Variants in RAB3GAP1 observed in about 807,000 individuals in gnomAD.
RAB3GAP1 encodes the protein rab3 GTPase-activating protein catalytic subunit.
A neutral mutation model predicts 130.7 loss-of-function variants in RAB3GAP1; 86 were observed. The observed-to-expected ratio is 0.66, with a 90% CI of 0.55 to 0.79. The LOEUF is 0.79. RAB3GAP1 is among the 30% of genes least tolerant of loss of function. RAB3GAP1 has a pLI of 0.00. For missense variants in RAB3GAP1, 1,029 were observed against 1,169.4 expected, an observed-to-expected ratio of 0.88 and a Z score of 1.75; for synonymous variants, 367 against 401.7, an observed-to-expected ratio of 0.91 and a Z score of 1.03.
intron 8 of RAB3GAP1, among the ~76,000 whole-genome samples, chr2:135,121,857 C>T (rs1691210255): frequency 1.3e-5 from 2 of 152,082 alleles, no homozygotes; most frequent in Admixed American, 1.3e-4. Context: ...CTTTGGGAGG[C>T]CAAGGCAGGC....
intron 17 of RAB3GAP1, among the ~76,000 whole-genome samples, chr2:135,149,372 A>T (rs907881602): frequency 2.6e-5 from 4 of 152,222 alleles, no homozygotes; most frequent in African/African-American, 9.6e-5. Flanking sequence ...AATTGCTAGT[A>T]TCTATCGAGC....
chr2:135,175,875 A>C (rs1241820589), intron 24 of RAB3GAP1, among the ~76,000 whole-genome samples: 1 of 152,262 alleles, frequency 6.6e-6, no homozygotes, highest in Non-Finnish European at 1.5e-5. Flanking sequence ...CAAGGTTTCC[A>C]GAGAGAAAAT....
At chr2:135,056,420 G>GGTCTTGAACTCCTGAC (rs1373897088) in intron 2 of RAB3GAP1, among the ~76,000 whole-genome samples, 1 of 151,962 alleles carries the variant, frequency 6.6e-6, no homozygotes, top group Non-Finnish European at 1.5e-5. Context: ...TGGACAAACT[G>GGTCTTGAACTCCTGAC]GTCTTGAACT....
At chr2:135,163,205 A>T in intron 22 of RAB3GAP1, 104 bp downstream of exon 22, 1 of 806,718 alleles carries the variant, frequency 1.2e-6, no homozygotes, top group Non-Finnish European at 2.2e-6. Context: ...TGGTAATCAT[A>T]TATTATTTGA....
chr2:135,166,323 C>T (rs1485224074), intron 23 of RAB3GAP1, among the ~76,000 whole-genome samples: 1 of 152,008 alleles, frequency 6.6e-6, no homozygotes, highest in African/African-American at 2.4e-5. Context: ...GCAAGTAAAA[C>T]TTTGACAATA....
At chr2:135,125,566 G>C (rs925905826) in intron 9 of RAB3GAP1, among the ~76,000 whole-genome samples, 3 of 152,146 alleles carry the variant, frequency 2.0e-5, no homozygotes, top group African/African-American at 7.2e-5. Context: ...TTATGTGAAT[G>C]TGATCTGTCT....
At chr2:135,122,180 A>C (rs1340844894) in intron 8 of RAB3GAP1, among the ~76,000 whole-genome samples, 1 of 152,194 alleles carries the variant, frequency 6.6e-6, no homozygotes, top group Non-Finnish European at 1.5e-5. Context: ...TATACCACAA[A>C]ATAATTTTCA....
chr2:135,156,582 G>A lies in RAB3GAP1; in HGVS notation c.2289+2706G>A, dbSNP rs192977065. 2.3e-3 allele frequency among the ~76,000 whole-genome samples: 347 copies of A among 152,158 alleles called. 1 individual carries two copies. The highest frequency in any genetic ancestry group is 7.6e-3 in the African/African-American group (317 of 41,494). On this transcript the variant is annotated intron_variant, in intron 19 of 23. Coordinates refer to ENST00000264158, the MANE Select transcript of RAB3GAP1 (RefSeq NM_012233.3). ...CTCTATTTATGCTGAAAAAACTTTTGATAAATTTAACTTAAAACTCTTGGG... is the reference window on the plus strand; with the variant it reads ...CTCTATTTATGCTGAAAAAACTTTTAATAAATTTAACTTAAAACTCTTGGG...
chr2:135,086,558 A>T (rs1689988662), intron 3 of RAB3GAP1, among the ~76,000 whole-genome samples: 1 of 151,956 alleles, frequency 6.6e-6, no homozygotes, highest in Non-Finnish European at 1.5e-5. Flanking sequence ...CTCATTAAAA[A>T]ATTTGGATTG....
intron 11 of RAB3GAP1, among the ~76,000 whole-genome samples, chr2:135,129,072 A>C (rs1691441189): frequency 6.6e-6 from 1 of 152,168 alleles, no homozygotes; most frequent in Non-Finnish European, 1.5e-5. Flanking sequence ...GGATCACCTG[A>C]GCCTAGGAGG....
intron 5 of RAB3GAP1, among the ~76,000 whole-genome samples, chr2:135,108,503 A>C (rs1202878140): frequency 6.8e-6 from 1 of 146,900 alleles, no homozygotes; most frequent in East Asian, 2.0e-4. Flanking sequence ...TGTCTGGTTG[A>C]AGTCTTTGGG....
At chr2:135,167,712 A>G in intron 23 of RAB3GAP1, 1 of 1,490,408 alleles carries the variant, frequency 6.7e-7, no homozygotes, top group Non-Finnish European at 9.0e-7. Flanking sequence ...TCTTCTGATG[A>G]GGTAACAAAA....
At chr2:135,110,230 C>T (rs1053029187) in intron 5 of RAB3GAP1, among the ~76,000 whole-genome samples, 5 of 151,588 alleles carry the variant, frequency 3.3e-5, no homozygotes. Flanking sequence ...ACCTCCTGGC[C>T]TCAAGCAGTT....
At chr2:135,172,356 A>T (rs1692877820), downstream of RAB3GAP1, among the ~76,000 whole-genome samples, 1 of 151,436 alleles carries the variant, frequency 6.6e-6, no homozygotes, top group Non-Finnish European at 1.5e-5. Flanking sequence ...AATTGCTTGA[A>T]CCTGGAAGGT....
At position 135,052,595 on chromosome 2, in the gene RAB3GAP1, A is replaced by G. The variant is rs565075143; in HGVS notation, c.74+110A>G. On this transcript the variant is annotated intron_variant, in intron 2 of 23. Transcript: ENST00000264158. ...TGACGCCACTTGTGCGGGAACGGTAATACCGTGGGTCCCGGGTCTCCTCCC... is the reference window on the plus strand; with the variant it reads ...TGACGCCACTTGTGCGGGAACGGTAGTACCGTGGGTCCCGGGTCTCCTCCC... 280 of 1,289,172 alleles carry G rather than the reference A, an allele frequency of 2.2e-4. 5 individuals are homozygous for G. In the South Asian group the frequency reaches 2.8e-3, roughly 13 times the overall value. The allele number at this position is 1,289,172 out of a possible 1,614,324, so 79.9% of individuals were successfully genotyped here.
chr2:135,083,700 A>G (rs1345823464), intron 3 of RAB3GAP1, among the ~76,000 whole-genome samples: 2 of 150,608 alleles, frequency 1.3e-5, no homozygotes, highest in Non-Finnish European at 2.9e-5. Flanking sequence ...CTTGGCCTCA[A>G]GCAATCCTCC....
intron 11 of RAB3GAP1, among the ~76,000 whole-genome samples, chr2:135,129,582 G>A (rs939067311): frequency 4.6e-5 from 7 of 151,902 alleles, no homozygotes; most frequent in East Asian, 3.9e-4. Context: ...TGTCTTTAGC[G>A]TTTCTTCTTA....
intron 23 of RAB3GAP1, among the ~76,000 whole-genome samples, chr2:135,165,764 C>G (rs1262932150): frequency 6.6e-6 from 1 of 152,192 alleles, no homozygotes; most frequent in Non-Finnish European, 1.5e-5. Flanking sequence ...GAGTTTGGTT[C>G]CACATCTGAT....
intron 3 of RAB3GAP1, among the ~76,000 whole-genome samples, chr2:135,061,891 A>G (rs892891848): frequency 9.2e-5 from 14 of 152,048 alleles, no homozygotes; most frequent in African/African-American, 3.4e-4. Context: ...TTGTTCTAGA[A>G]CCTACTTTGG....
Sources: allele counts gnomAD v4.1 joint callset (sites outside exome capture counted in the v4.1 genomes callset), GRCh38; gene constraint gnomAD v4.1.1; transcripts MANE v1.5; gene names NCBI Gene and HGNC (gene_info 2026-07-23, HGNC 2026-07-21).